Variants in ANXA4 observed in about 807,000 individuals in gnomAD.
The protein encoded by ANXA4 is 35-beta calcimedin.
ANXA4 carries 39 observed loss-of-function variants against 49.8 expected under a neutral mutation model. That is an observed-to-expected ratio of 0.78 (90% CI 0.61 to 1.02). The LOEUF (loss-of-function observed/expected upper bound fraction) is 1.02, where lower values mean the gene tolerates loss of function less well. ANXA4 is among the 50% of genes least tolerant of loss of function. The pLI is 0.00. For missense variants in ANXA4, 360 were observed against 410.1 expected (o/e 0.88, Z 1.05); for synonymous variants, 134 against 152.5 (o/e 0.88, Z 0.89).
At chr2:69,751,320 C>A (rs1428714286) in intron 1 of ANXA4, among the ~76,000 whole-genome samples, 1 of 151,924 alleles carries the variant, frequency 6.6e-6, no homozygotes, top group Admixed American at 6.6e-5. Context: ...TCGAGACCAG[C>A]CTGGGCGAAA....
At chr2:69,672,455 C>A (rs1461257753) in intron 2 of ANXA4, among the ~76,000 whole-genome samples, 2 of 152,126 alleles carry the variant, frequency 1.3e-5, no homozygotes, top group African/African-American at 2.4e-5. Context: ...TGGTCTTGAA[C>A]TCCTGACCTC....
chr2:69,649,062 T>A (rs1488192718), intron 1 of ANXA4, among the ~76,000 whole-genome samples: 1 of 151,790 alleles, frequency 6.6e-6, no homozygotes, highest in South Asian at 2.1e-4. Context: ...AATTTTGCAT[T>A]TTTAGTAGAG....
intron 2 of ANXA4, among the ~76,000 whole-genome samples, chr2:69,699,930 G>A (rs1204583811): frequency 6.6e-6 from 1 of 152,162 alleles, no homozygotes; most frequent in Non-Finnish European, 1.5e-5. Flanking sequence ...CGCCCCAGCA[G>A]GAAGGCAGCC....
At chr2:69,752,630 C>G (rs1670891177) in intron 1 of ANXA4, among the ~76,000 whole-genome samples, 1 of 152,248 alleles carries the variant, frequency 6.6e-6, no homozygotes, top group Admixed American at 6.5e-5. Context: ...TATATCTGAT[C>G]ACATACCTGC....
chr2:69,806,837 G>T (rs1300661273), intron 5 of ANXA4, among the ~76,000 whole-genome samples: 1 of 152,096 alleles, frequency 6.6e-6, no homozygotes, highest in Non-Finnish European at 1.5e-5. Context: ...ACTGGGGCCT[G>T]TTGGAGGATG....
Position 69,659,765 on chromosome 2 carries a change from G to A in ANXA4, n.766+6483G>A, listed in dbSNP as rs928620142. Among the ~76,000 whole-genome samples the A allele has an allele frequency of 7.2e-5, 11 of 152,272 alleles. No homozygotes were observed. The East Asian group carries it at 7.7e-4, about 11-fold the overall frequency. Reference sequence around the variant, plus strand: ...ATGAGACTTTAAATGTAGAGCTTTCGTGCTTGCAAGAAAGAAATGTGAGTT... The same window carrying A: ...ATGAGACTTTAAATGTAGAGCTTTCATGCTTGCAAGAAAGAAATGTGAGTT... On this transcript the variant is annotated intron_variant and non_coding_transcript_variant, in intron 2 of 3. Transcript: ENST00000418066.
intron 2 of ANXA4, among the ~76,000 whole-genome samples, chr2:69,676,884 GA>G (rs977411717): frequency 6.0e-5 from 9 of 151,050 alleles, no homozygotes; most frequent in Admixed American, 1.3e-4. Flanking sequence ...CAGAGCGGGG[GA>G]AAAAAACAAA....
chr2:69,701,845 T>C (rs1304097808), intron 2 of ANXA4, among the ~76,000 whole-genome samples: 1 of 152,166 alleles, frequency 6.6e-6, no homozygotes, highest in Non-Finnish European at 1.5e-5. Flanking sequence ...TCTGTTGATA[T>C]CTTTACCCAT....
intron 2 of ANXA4, among the ~76,000 whole-genome samples, chr2:69,715,904 C>T (rs1678866112): frequency 6.6e-6 from 1 of 152,146 alleles, no homozygotes; most frequent in African/African-American, 2.4e-5. Flanking sequence ...CTTCCTAGGT[C>T]AAGAAAGAGA....
At chr2:69,780,237 C>T (rs1672139614) in intron 1 of ANXA4, among the ~76,000 whole-genome samples, 1 of 152,146 alleles carries the variant, frequency 6.6e-6, no homozygotes, top group African/African-American at 2.4e-5. Flanking sequence ...CTCTGTCACC[C>T]AGACTGGAGT....
In ANXA4 at chr2:69,777,808, C is replaced by G. The variant is rs891197499; in HGVS notation, c.-46-3712C>G. 2.0e-5 allele frequency among the ~76,000 whole-genome samples: 3 copies of G among 152,316 alleles called. No homozygotes were observed. The South Asian group carries it at 6.2e-4, about 32-fold the overall frequency. On this transcript the variant is annotated intron_variant, in intron 1 of 12. Coordinates refer to ENST00000394295, the MANE Select transcript of ANXA4 (RefSeq NM_001153.5). ...TCAGATGTCAACTCAGAGATGCCTT[C>G]CGGATCGCCCTGCCCAGGCCAGCTT... is the stretch of plus-strand genomic sequence containing the variant.
intron 2 of ANXA4, among the ~76,000 whole-genome samples, chr2:69,671,025 CAAAAAA>C (rs762968256): frequency 3.1e-5 from 1 of 32,546 alleles, no homozygotes; most frequent in African/African-American, 1.1e-4. Flanking sequence ...GACTCCATCT[CAAAAAA>C]AAAAAAAAAA....
chr2:69,784,037 CAA>C (rs1361474485), intron 2 of ANXA4, among the ~76,000 whole-genome samples: 1 of 152,106 alleles, frequency 6.6e-6, no homozygotes, highest in African/African-American at 2.4e-5. Context: ...AATGTAATAA[CAA>C]TATTTCATCA....
intron 2 of ANXA4, among the ~76,000 whole-genome samples, chr2:69,663,564 G>C (rs539591299): frequency 3.0e-4 from 46 of 152,056 alleles, no homozygotes; most frequent in African/African-American, 1.1e-3. Flanking sequence ...ACAGGCTAAG[G>C]TAGGAGGATT....
intron 1 of ANXA4, among the ~76,000 whole-genome samples, chr2:69,749,997 G>A (rs1016534629): frequency 2.0e-5 from 3 of 152,018 alleles, no homozygotes; most frequent in African/African-American, 7.2e-5. Flanking sequence ...CTTCTAGGAG[G>A]ATACACAGGA....
intron 1 of ANXA4, among the ~76,000 whole-genome samples, chr2:69,756,259 A>C (rs1671034798): frequency 6.6e-6 from 1 of 152,226 alleles, no homozygotes; most frequent in African/African-American, 2.4e-5. Flanking sequence ...ACCCTTTCCA[A>C]ATAGCCCTGC....
At chr2:69,710,940 T>C (rs1464153131) in intron 2 of ANXA4, among the ~76,000 whole-genome samples, 1 of 152,120 alleles carries the variant, frequency 6.6e-6, no homozygotes. Context: ...CCGGCAACTC[T>C]CCTCCTAGAA....
intron 2 of ANXA4, among the ~76,000 whole-genome samples, chr2:69,783,737 A>T (rs1240022892): frequency 2.0e-5 from 3 of 152,160 alleles, no homozygotes; most frequent in African/African-American, 7.2e-5. Context: ...AAGCTCCTCC[A>T]TGCCCGTTTC....
At chr2:69,691,694 A>T (rs1006976604) in intron 2 of ANXA4, among the ~76,000 whole-genome samples, 1 of 152,120 alleles carries the variant, frequency 6.6e-6, no homozygotes, top group Admixed American at 6.5e-5. Flanking sequence ...CAATTAGAAA[A>T]GGCCTGGGAC....
Sources: allele counts gnomAD v4.1 joint callset (sites outside exome capture counted in the v4.1 genomes callset), GRCh38; gene constraint gnomAD v4.1.1; transcripts MANE v1.5; gene names NCBI Gene and HGNC (gene_info 2026-07-23, HGNC 2026-07-21).